PALM2AKAP2: variants seen among roughly 807,000 people sequenced by gnomAD.
PALM2AKAP2 encodes the protein PALM2 and AKAP2 fusion.
In PALM2AKAP2, 37 loss-of-function variants were observed where a neutral mutation model predicts 71.5. The observed-to-expected ratio is 0.52, with a 90% CI of 0.40 to 0.68. PALM2AKAP2 has a LOEUF of 0.68. Ranked by LOEUF, PALM2AKAP2 falls within the 30% of genes least tolerant of loss-of-function variation. The probability of loss-of-function intolerance (pLI) is 0.00; values close to 1 mark genes in which losing one functional copy is unlikely to be tolerated. For missense variants in PALM2AKAP2, 1,224 were observed against 1,191.8 expected, an observed-to-expected ratio of 1.03 and a Z score of -0.40; for synonymous variants, 468 against 478.8, an observed-to-expected ratio of 0.98 and a Z score of 0.29.
At chr9:110,145,355 G>A (rs915073889) in intron 2 of PALM2AKAP2, among the ~76,000 whole-genome samples, 4 of 152,198 alleles carry the variant, frequency 2.6e-5, no homozygotes, top group Admixed American at 6.5e-5. Flanking sequence ...ATCTAGCCTA[G>A]CTGCTCTTGT....
At chr9:110,003,056 T>C (rs1407539892) in intron 6 of PALM2AKAP2, among the ~76,000 whole-genome samples, 1 of 152,258 alleles carries the variant, frequency 6.6e-6, no homozygotes, top group Non-Finnish European at 1.5e-5. Flanking sequence ...ATCTTAGTTA[T>C]TTCTTGCCTT....
intron 1 of PALM2AKAP2, among the ~76,000 whole-genome samples, chr9:109,741,320 T>G (rs529522480): frequency 6.6e-6 from 1 of 152,326 alleles, no homozygotes; most frequent in Admixed American, 6.5e-5. Flanking sequence ...TAGTACTCCA[T>G]TGTGTAATTA....
At chr9:110,168,411 A>G in exon 4 of PALM2AKAP2, 1 of 1,614,176 alleles carries the variant, frequency 6.2e-7, no homozygotes, top group Non-Finnish European at 8.5e-7. Context: ...CCTCGAGGCC[A>G]CACGGGTTAA....
intron 2 of PALM2AKAP2, among the ~76,000 whole-genome samples, chr9:109,871,259 A>G (rs1829597046): frequency 6.6e-6 from 1 of 152,218 alleles, no homozygotes; most frequent in South Asian, 2.1e-4. Flanking sequence ...ATGGACTTCG[A>G]GCAAATTCCA....
intron 1 of PALM2AKAP2, among the ~76,000 whole-genome samples, chr9:109,690,250 A>C (rs924989221): frequency 2.6e-5 from 4 of 152,216 alleles, no homozygotes; most frequent in African/African-American, 9.7e-5. Context: ...TAAAATTTCT[A>C]ATAGTTGGTA....
At chr9:110,137,538 A>C in exon 2 of PALM2AKAP2, 1 of 1,614,196 alleles carries the variant, frequency 6.2e-7, no homozygotes, top group South Asian at 1.1e-5. Flanking sequence ...TGGGCTGAGG[A>C]TGGAGAATTT....
intron 6 of PALM2AKAP2, chr9:109,946,767 G>A (rs1176845920): frequency 6.6e-6 from 1 of 151,016 alleles, no homozygotes; most frequent in Non-Finnish European, 1.5e-5. Context: ...AAAGGAAAAG[G>A]GGGGGTATCT....
intron 3 of PALM2AKAP2, among the ~76,000 whole-genome samples, chr9:109,892,433 C>T (rs936089325): frequency 1.3e-5 from 2 of 152,146 alleles, no homozygotes; most frequent in African/African-American, 2.4e-5. Flanking sequence ...CTTTTATCCA[C>T]ATAAGGTCAT....
intron 2 of PALM2AKAP2, among the ~76,000 whole-genome samples, chr9:109,875,143 C>T (rs1007519290): frequency 5.3e-5 from 8 of 152,270 alleles, no homozygotes; most frequent in East Asian, 3.9e-4. Context: ...TCCAGCCACT[C>T]GGGCATTTGT....
At chr9:109,666,940 A>C (rs1827494135) in intron 1 of PALM2AKAP2, among the ~76,000 whole-genome samples, 1 of 152,204 alleles carries the variant, frequency 6.6e-6, no homozygotes. Context: ...TGCAGAAAAT[A>C]AATGTTTAGA....
chr9:110,057,849 G>C (rs754581542), intron 1 of PALM2AKAP2, among the ~76,000 whole-genome samples: 14 of 152,146 alleles, frequency 9.2e-5, no homozygotes, highest in Admixed American at 3.3e-4. Flanking sequence ...AATGAGTCCT[G>C]AGCATGTTAC....
intron 1 of PALM2AKAP2, among the ~76,000 whole-genome samples, chr9:109,711,481 T>C (rs540912909): frequency 2.0e-5 from 3 of 152,340 alleles, no homozygotes; most frequent in African/African-American, 7.2e-5. Context: ...TATAGATATT[T>C]GGTAGATAAA....
chr9:110,156,476 C>G, exon 3 of PALM2AKAP2: 1 of 1,608,994 alleles, frequency 6.2e-7, no homozygotes, highest in Non-Finnish European at 8.5e-7. Flanking sequence ...CTAAAAGGCG[C>G]GAGAGAATGG....
intron 1 of PALM2AKAP2, among the ~76,000 whole-genome samples, chr9:109,721,785 A>G (rs563308641): frequency 1.3e-5 from 2 of 152,294 alleles, no homozygotes; most frequent in East Asian, 3.9e-4. Flanking sequence ...TTTGGGTGAA[A>G]ATATGCTCCA....
intron 1 of PALM2AKAP2, among the ~76,000 whole-genome samples, chr9:109,727,654 A>G (rs1197251875): frequency 6.6e-6 from 1 of 152,254 alleles, no homozygotes; most frequent in African/African-American, 2.4e-5. Context: ...ATGAATATAA[A>G]AGGCAGAACA....
chr9:109,858,554 T>C (rs1829229283), intron 1 of PALM2AKAP2, among the ~76,000 whole-genome samples: 1 of 152,110 alleles, frequency 6.6e-6, no homozygotes, highest in Non-Finnish European at 1.5e-5. Context: ...AGCCCCTACC[T>C]GATACGAGAT....
intron 1 of PALM2AKAP2, among the ~76,000 whole-genome samples, chr9:109,809,298 G>A (rs1301321619): frequency 1.3e-5 from 2 of 152,168 alleles, no homozygotes; most frequent in South Asian, 4.1e-4. Context: ...AAAGCCAAAG[G>A]AGCAGAGCTG....
chr9:109,673,744 AG>A (rs1827608353), intron 1 of PALM2AKAP2, among the ~76,000 whole-genome samples: 1 of 152,106 alleles, frequency 6.6e-6, no homozygotes, highest in South Asian at 2.1e-4. Context: ...GTCTCTTTGT[AG>A]GGCTCTAAGA....
intron 6 of PALM2AKAP2, among the ~76,000 whole-genome samples, chr9:110,006,626 G>C (rs1442517286): frequency 6.6e-6 from 1 of 152,028 alleles, no homozygotes; most frequent in East Asian, 1.9e-4. Context: ...GCCTCCCAAA[G>C]TGCTGGGATT....
Sources: gnomAD v4.1 joint callset for allele counts (sites outside exome capture counted in the v4.1 genomes callset) on GRCh38, gnomAD v4.1.1 for gene constraint, MANE v1.5 for transcripts, NCBI Gene and HGNC (gene_info 2026-07-23, HGNC 2026-07-21) for gene names.